KHDRBS2: variants seen among roughly 807,000 people sequenced by gnomAD.
KHDRBS2 encodes the protein KH domain-containing, RNA-binding, signal transduction-associated protein 2.
A neutral mutation model predicts 44.3 loss-of-function variants in KHDRBS2; 26 were observed. The observed-to-expected ratio is 0.59, with a 90% CI of 0.43 to 0.81. KHDRBS2 has a LOEUF of 0.81. KHDRBS2 is among the 40% of genes least tolerant of loss of function. The pLI, the probability that KHDRBS2 is intolerant of heterozygous loss-of-function variation, is 0.00. For synonymous variants in KHDRBS2, 194 were observed against 151.1 expected, an observed-to-expected ratio of 1.28 and a Z score of -2.08; for missense variants, 476 against 433.1, an observed-to-expected ratio of 1.10 and a Z score of -0.88.
intron 6 of KHDRBS2, among the ~76,000 whole-genome samples, chr6:61,784,920 G>A (rs1246748605): frequency 1.3e-5 from 2 of 152,046 alleles, no homozygotes; most frequent in Non-Finnish European, 1.5e-5. Flanking sequence ...AAGCCAAGGT[G>A]AGCAGTTTGC....
chr6:61,984,459 A>C (rs930108728), intron 3 of KHDRBS2, among the ~76,000 whole-genome samples: 7 of 152,170 alleles, frequency 4.6e-5, no homozygotes, highest in Admixed American at 1.3e-4. Flanking sequence ...TGAGCTAAAG[A>C]AGCAGAAAAA....
chr6:61,674,701 A>AT, the KHDRBS2 span, among the ~76,000 whole-genome samples: 7 of 151,618 alleles, frequency 4.6e-5, no homozygotes, highest in Non-Finnish European at 8.9e-5. Context: ...TTACTACATG[A>AT]TTTTTTTGCA....
chr6:61,961,590 A>G (rs930626102), intron 4 of KHDRBS2, among the ~76,000 whole-genome samples: 1 of 152,038 alleles, frequency 6.6e-6, no homozygotes, highest in African/African-American at 2.4e-5. Context: ...CATTTGAACA[A>G]AGATTTGAAA....
intron 2 of KHDRBS2, among the ~76,000 whole-genome samples, chr6:62,118,644 G>C (rs552713657): frequency 1.3e-5 from 2 of 152,090 alleles, no homozygotes; most frequent in Non-Finnish European, 2.9e-5. Flanking sequence ...CCTCAATCTG[G>C]GTGGGCACCA....
chr6:62,270,576 T>C (rs1442864957), intron 1 of KHDRBS2, among the ~76,000 whole-genome samples: 1 of 151,844 alleles, frequency 6.6e-6, no homozygotes, highest in Non-Finnish European at 1.5e-5. Flanking sequence ...ACAAGGGAAG[T>C]CTCTGGGCTG....
At chr6:61,866,841 G>T (rs1297031140) in intron 6 of KHDRBS2, among the ~76,000 whole-genome samples, 2 of 152,288 alleles carry the variant, frequency 1.3e-5, no homozygotes, top group South Asian at 2.1e-4. Context: ...AACATAACAA[G>T]AGTCACCTTT....
At chr6:61,717,194 T>G (rs1562019022) in intron 7 of KHDRBS2, among the ~76,000 whole-genome samples, 1 of 152,044 alleles carries the variant, frequency 6.6e-6, no homozygotes, top group Non-Finnish European at 1.5e-5. Flanking sequence ...GGCAAGTAGT[T>G]TAGTTATTAT....
At chr6:61,812,365 A>G (rs868614596) in intron 6 of KHDRBS2, among the ~76,000 whole-genome samples, 4 of 152,100 alleles carry the variant, frequency 2.6e-5, no homozygotes, top group Non-Finnish European at 5.9e-5. Flanking sequence ...TGCTCAATAA[A>G]TGTGTGATAA....
At chr6:62,231,798 G>T (rs1832943921) in intron 1 of KHDRBS2, among the ~76,000 whole-genome samples, 1 of 152,028 alleles carries the variant, frequency 6.6e-6, no homozygotes, top group South Asian at 2.1e-4. Flanking sequence ...TTCTCTGGAA[G>T]CATTTACTCT....
chr6:62,034,910 T>A (rs1177279192), intron 3 of KHDRBS2, among the ~76,000 whole-genome samples: 1 of 151,756 alleles, frequency 6.6e-6, no homozygotes, highest in Non-Finnish European at 1.5e-5. Flanking sequence ...ATCATCAGAG[T>A]AATGCAAATT....
the KHDRBS2 span, among the ~76,000 whole-genome samples, chr6:61,571,583 C>A: frequency 6.6e-6 from 1 of 152,070 alleles, no homozygotes; most frequent in Non-Finnish European, 1.5e-5. Flanking sequence ...GTTTACAGAA[C>A]ACTTGACCCT....
Position 62,091,562 on chromosome 6 carries a change from A to C in KHDRBS2, c.220-43568T>G, listed in dbSNP as rs189017624. On this transcript the variant is annotated intron_variant, in intron 2 of 8. Coordinates refer to ENST00000281156, the MANE Select transcript of KHDRBS2 (RefSeq NM_152688.4). ...TTTCTACAGTTTCTTAAAAGTCCAT[A>C]TGAGTGCAACTTGTTGTTGCAAGTT... Among the ~76,000 whole-genome samples, 55 of 152,308 alleles carry C rather than the reference A, an allele frequency of 3.6e-4. 1 individual carries two copies. The highest frequency in any genetic ancestry group is 3.3e-4 in the Admixed American group (5 of 15,300).
chr6:62,142,581 G>GA (rs1298524195), intron 2 of KHDRBS2, among the ~76,000 whole-genome samples: 1 of 151,808 alleles, frequency 6.6e-6, no homozygotes, highest in African/African-American at 2.4e-5. Context: ...CCTAGCTCTA[G>GA]AACACCACAA....
At chr6:62,277,544 G>A (rs1168908336) in intron 1 of KHDRBS2, among the ~76,000 whole-genome samples, 4 of 151,970 alleles carry the variant, frequency 2.6e-5, no homozygotes, top group South Asian at 2.1e-4. Context: ...GGGTTTCACC[G>A]TGTTAGGCAG....
intron 8 of KHDRBS2, among the ~76,000 whole-genome samples, chr6:61,684,270 G>A (rs1344198514): frequency 6.6e-6 from 1 of 151,826 alleles, no homozygotes; most frequent in Non-Finnish European, 1.5e-5. Context: ...GCTCACCAGC[G>A]ATATTTAGGC....
At chr6:61,555,833 G>A in the KHDRBS2 span, among the ~76,000 whole-genome samples, 1 of 152,154 alleles carries the variant, frequency 6.6e-6, no homozygotes, top group Non-Finnish European at 1.5e-5. Context: ...TAACTTGGGG[G>A]CCTGTTATCT....
At chr6:62,237,899 C>G (rs1384043198) in intron 1 of KHDRBS2, among the ~76,000 whole-genome samples, 1 of 151,822 alleles carries the variant, frequency 6.6e-6, no homozygotes, top group African/African-American at 2.4e-5. Flanking sequence ...ATTAGCTGGG[C>G]GTGGTGGTGC....
At chr6:61,624,138 C>T in the KHDRBS2 span, among the ~76,000 whole-genome samples, 3 of 152,128 alleles carry the variant, frequency 2.0e-5, no homozygotes, top group African/African-American at 7.2e-5. Context: ...ATGTCAATGC[C>T]AAGAAATTTC....
At chr6:61,953,136 A>G (rs1420956465) in intron 4 of KHDRBS2, among the ~76,000 whole-genome samples, 1 of 152,048 alleles carries the variant, frequency 6.6e-6, no homozygotes, top group East Asian at 1.9e-4. Context: ...ATGAAATCTT[A>G]TATTTATCTA....
Sources: allele counts gnomAD v4.1 joint callset (sites outside exome capture counted in the v4.1 genomes callset), GRCh38; gene constraint gnomAD v4.1.1; transcripts MANE v1.5; gene names NCBI Gene and HGNC (gene_info 2026-07-23, HGNC 2026-07-21).